The following MTREX variants were observed in gnomAD, a reference collection of about 807,000 sequenced individuals.
MTREX encodes the protein Mtr4 exosome RNA helicase, also known as exosome RNA helicase MTR4.
Under a neutral mutation model 135.4 loss-of-function variants are expected in MTREX, and 76 were observed. The observed-to-expected ratio is 0.56, with a 90% CI of 0.47 to 0.68. The LOEUF (loss-of-function observed/expected upper bound fraction) is 0.68, where lower values mean the gene tolerates loss of function less well. Ranked by LOEUF, MTREX falls within the 30% of genes least tolerant of loss-of-function variation. The probability of loss-of-function intolerance (pLI) is 0.00; values close to 1 mark genes in which losing one functional copy is unlikely to be tolerated. For missense variants in MTREX, 920 were observed against 1,262.1 expected (o/e 0.73, Z 4.11); for synonymous variants, 404 against 401.6 (o/e 1.01, Z -0.07).
intron 6 of MTREX, among the ~76,000 whole-genome samples, chr5:55,341,477 A>G (rs1395208464): frequency 2.6e-5 from 4 of 152,196 alleles, no homozygotes; most frequent in Non-Finnish European, 5.9e-5. Context: ...AGGAATATAC[A>G]ATATAATATA....
At chr5:55,369,986 C>T (rs115504535) in intron 16 of MTREX, among the ~76,000 whole-genome samples, 4,303 of 151,588 alleles carry the variant, frequency 0.028, 209 homozygotes, top group Admixed American at 0.13. Context: ...AACAATGGCA[C>T]GATCTCGGCT....
intron 16 of MTREX, among the ~76,000 whole-genome samples, chr5:55,371,979 A>C (rs1276308690): frequency 2.0e-5 from 3 of 152,120 alleles, no homozygotes; most frequent in African/African-American, 4.8e-5. Flanking sequence ...ATAAAAAAGA[A>C]AATCTTCCTG....
rs767962025 is a variant in MTREX, at chr5:55,405,557, A to G, written c.2614A>G (p.Met872Val). The change falls in exon 22 of 27, where the codon ATG becomes GTG. Residue 872 changes from methionine to valine, a missense_variant. Transcript: ENST00000230640. Reference sequence around the variant, plus strand: ...TGCTACTTCTTCTGATGTAATAGAGATGAAAGGACGAGTGGCTTGTGAGAT... The same window carrying G: ...TGCTACTTCTTCTGATGTAATAGAGGTGAAAGGACGAGTGGCTTGTGAGAT... ...GFATSSDVIE[M>V]KGRVACEISS... is the part of the protein sequence containing the mutation. 6.8e-6 allele frequency: 11 copies of G among 1,613,196 alleles called. No homozygotes were observed. The South Asian group carries it at 8.8e-5, about 13-fold the overall frequency.
At chr5:55,366,054 AT>A (rs1750099000) in intron 15 of MTREX, among the ~76,000 whole-genome samples, 1 of 151,984 alleles carries the variant, frequency 6.6e-6, no homozygotes, top group East Asian at 1.9e-4. Context: ...TGAAGGAACT[AT>A]TTTGGGTATA....
chr5:55,327,868 C>A, intron 4 of MTREX, 90 bp downstream of exon 4: 1 of 989,912 alleles, frequency 1.0e-6, no homozygotes, highest in Non-Finnish European at 1.6e-6. Flanking sequence ...TTATATTTCC[C>A]ACAACATGTA....
chr5:55,331,625 G>A (rs551802071), intron 5 of MTREX, among the ~76,000 whole-genome samples: 1 of 152,234 alleles, frequency 6.6e-6, no homozygotes, highest in South Asian at 2.1e-4. Flanking sequence ...CTGAAGACTT[G>A]CAGATGCTCA....
At chr5:55,337,197 T>TGTG (rs1206623627) in intron 5 of MTREX, among the ~76,000 whole-genome samples, 1 of 152,194 alleles carries the variant, frequency 6.6e-6, no homozygotes, top group East Asian at 1.9e-4. Flanking sequence ...CATGGCTCAC[T>TGTG]GCAGCCTTGA....
chr5:55,313,785 G>A (rs1227891946), intron 1 of MTREX, among the ~76,000 whole-genome samples: 1 of 152,066 alleles, frequency 6.6e-6, no homozygotes, highest in Non-Finnish European at 1.5e-5. Context: ...TTCCATCCTT[G>A]CCCCTTCTTC....
At chr5:55,340,236 G>A in intron 6 of MTREX, 52 bp downstream of exon 6, 7 of 1,365,980 alleles carry the variant, frequency 5.1e-6, no homozygotes, top group Non-Finnish European at 6.8e-6. Context: ...AAATTAATGT[G>A]ACTATTCAGT....
intron 26 of MTREX, 178 bp downstream of exon 26, chr5:55,423,160 T>C (rs1449160144): frequency 3.4e-6 from 2 of 595,276 alleles, no homozygotes; most frequent in Middle Eastern, 8.9e-4. Flanking sequence ...TGAGATTTTA[T>C]ATATACATGC....
chr5:55,387,683 CTG>C (rs1298723022), intron 18 of MTREX, among the ~76,000 whole-genome samples: 59 of 152,170 alleles, frequency 3.9e-4, no homozygotes, highest in Admixed American at 5.9e-4. Flanking sequence ...TTTTCTGACA[CTG>C]AAAATTTTAG....
intron 20 of MTREX, among the ~76,000 whole-genome samples, chr5:55,399,817 C>T (rs1750697223): frequency 6.6e-6 from 1 of 152,284 alleles, no homozygotes; most frequent in South Asian, 2.1e-4. Flanking sequence ...CTATACTTTA[C>T]AAGTCAGTAG....
chr5:55,372,025 A>G (rs976221845), intron 16 of MTREX, among the ~76,000 whole-genome samples: 5 of 152,084 alleles, frequency 3.3e-5, no homozygotes, highest in African/African-American at 1.2e-4. Context: ...ATATTTCCTT[A>G]TATCATTTTC....
Position 55,308,018 on chromosome 5 carries a change from C to G in MTREX, c.5C>G (p.Ala2Gly), listed in dbSNP as rs757255496. The G allele has an allele frequency of 9.9e-6, 16 of 1,614,032 alleles. No individual in the cohort carries two copies. The highest frequency in any genetic ancestry group is 6.6e-5 in the South Asian group (6 of 91,070). Residue 2 changes from alanine (A) to glycine (G), a missense_variant, in exon 1 of 27, where the codon GCG becomes GGG. Around this residue, in one of 6 missense-constraint regions of MTREX, gnomAD observed 136 missense variants for 126.7 expected, o/e 1.07. Transcript: ENST00000230640. M[A>G]DAFGDELFSV... ...TTGCTCTCACTGCTCCCAAAAATGG[C>G]GGACGCATTCGGAGATGAGCTGTTC...
chr5:55,355,949 C>G (rs752158130), intron 14 of MTREX, among the ~76,000 whole-genome samples: 1 of 152,212 alleles, frequency 6.6e-6, no homozygotes, highest in Non-Finnish European at 1.5e-5. Flanking sequence ...ACTGCTGCCC[C>G]GACTTGTTCT....
At chr5:55,351,117 T>G in intron 13 of MTREX, 88 bp downstream of exon 13, 1 of 1,386,116 alleles carries the variant, frequency 7.2e-7, no homozygotes, top group Non-Finnish European at 9.3e-7. Context: ...AGGCAATATG[T>G]GTGTTTTTAA....
chr5:55,378,378 C>A lies in MTREX; in HGVS notation c.1875C>A (p.Ile625=). ...IVIPNEESVV[I]YYKIRQQLAK... is the part of the protein sequence containing the mutation. ...TTCCCAATGAAGAAAGTGTGGTTAT[C>A]TATTATAAGATTAGACAGCAGCTTG... is the stretch of plus-strand genomic sequence containing the variant. Residue 625 remains isoleucine (I), a synonymous_variant, in exon 17 of 27, where the codon ATC becomes ATA. Transcript: ENST00000230640. 6.2e-7 allele frequency: 1 copy of A among 1,610,718 alleles called. No individual in the cohort carries two copies. Among genetic ancestry groups the A allele is most frequent in the Non-Finnish European group, 8.5e-7 (1 of 1,179,038 alleles).
intron 25 of MTREX, among the ~76,000 whole-genome samples, chr5:55,418,811 T>C (rs989153225): frequency 7.9e-5 from 12 of 152,206 alleles, no homozygotes; most frequent in Admixed American, 1.3e-4. Flanking sequence ...ATTTCAAGAA[T>C]AGCCATTCCT....
intron 20 of MTREX, among the ~76,000 whole-genome samples, chr5:55,400,000 A>G (rs886980421): frequency 1.3e-5 from 2 of 152,238 alleles, no homozygotes; most frequent in African/African-American, 4.8e-5. Flanking sequence ...TGACTTGTAG[A>G]TTTATTAACA....
Sources: gnomAD v4.1 joint callset for allele counts (sites outside exome capture counted in the v4.1 genomes callset) on GRCh38, gnomAD v4.1.1 for gene constraint, gnomAD v4.1.1 regional missense constraint, MANE v1.5 for transcripts, NCBI Gene and HGNC (gene_info 2026-07-23, HGNC 2026-07-21) for gene names.